Variants in RAB2A observed in about 807,000 individuals in gnomAD.
RAB2A encodes the protein ras-related protein Rab-2A.
Under a neutral mutation model 32.5 loss-of-function variants are expected in RAB2A, and 7 were observed. That is an observed-to-expected ratio of 0.22 (90% CI 0.12 to 0.40). RAB2A has a LOEUF of 0.40. Among genes scored for constraint, RAB2A ranks in the 10% least tolerant of loss-of-function variants. RAB2A has a pLI of 1.00. For missense variants in RAB2A, 108 were observed against 260.7 expected, an observed-to-expected ratio of 0.41 and a Z score of 4.03; for synonymous variants, 79 against 85.2, an observed-to-expected ratio of 0.93 and a Z score of 0.40.
intron 1 of RAB2A, among the ~76,000 whole-genome samples, chr8:60,534,465 TTC>T (rs1450961082): frequency 6.6e-6 from 1 of 152,140 alleles, no homozygotes. Context: ...TGTAGTAAAA[TTC>T]TGTCTCTTTA....
At chr8:60,537,785 A>T (rs1227232759) in intron 1 of RAB2A, among the ~76,000 whole-genome samples, 1 of 152,006 alleles carries the variant, frequency 6.6e-6, no homozygotes, top group Non-Finnish European at 1.5e-5. Context: ...GGCTCAAGCA[A>T]TCCTCCTGCC....
intron 6 of RAB2A, among the ~76,000 whole-genome samples, chr8:60,602,733 C>G (rs143001653): frequency 3.3e-5 from 5 of 152,326 alleles, no homozygotes; most frequent in African/African-American, 1.2e-4. Context: ...CCCATTGATT[C>G]TTGATCAGGT....
intron 5 of RAB2A, among the ~76,000 whole-genome samples, chr8:60,588,481 A>G (rs1018752320): frequency 2.0e-5 from 3 of 152,236 alleles, no homozygotes; most frequent in Admixed American, 6.5e-5. Context: ...CAGCATTACA[A>G]CAGACTACAA....
chr8:60,586,580 G>A (rs1803852858), intron 5 of RAB2A, among the ~76,000 whole-genome samples: 1 of 151,984 alleles, frequency 6.6e-6, no homozygotes, highest in African/African-American at 2.4e-5. Flanking sequence ...CATGTTCATG[G>A]ATTGTAAAAC....
chr8:60,530,161 TTGAG>T (rs1807454252), intron 1 of RAB2A, among the ~76,000 whole-genome samples: 2 of 149,588 alleles, frequency 1.3e-5, no homozygotes, highest in Admixed American at 1.3e-4. Context: ...TTTTTTTTTT[TTGAG>T]AGAGAGAGAG....
chr8:60,580,606 T>A (rs1198602507), intron 3 of RAB2A, among the ~76,000 whole-genome samples: 1 of 152,240 alleles, frequency 6.6e-6, no homozygotes, highest in Non-Finnish European at 1.5e-5. Flanking sequence ...GTCATAGTCT[T>A]CAGTGGGAAT....
intron 6 of RAB2A, among the ~76,000 whole-genome samples, chr8:60,615,304 T>G (rs1804430384): frequency 6.6e-6 from 1 of 152,204 alleles, no homozygotes; most frequent in Admixed American, 6.5e-5. Flanking sequence ...AAAACTACAA[T>G]ATGTTTAACA....
chr8:60,586,281 A>G (rs1005148019), intron 5 of RAB2A, among the ~76,000 whole-genome samples: 26 of 143,928 alleles, frequency 1.8e-4, no homozygotes, highest in African/African-American at 7.1e-4. Context: ...TGAGCAACAA[A>G]GCAAGACCTT....
At chr8:60,530,845 G>A (rs1004393019) in intron 1 of RAB2A, among the ~76,000 whole-genome samples, 1 of 151,932 alleles carries the variant, frequency 6.6e-6, no homozygotes, top group Non-Finnish European at 1.5e-5. Flanking sequence ...ACATGTCTTG[G>A]CACAGGAAAC....
Position 60,556,137 on chromosome 8 carries a change from T to G in RAB2A, c.47-2715T>G, listed in dbSNP as rs1807934367. On this transcript the variant is annotated intron_variant, in intron 1 of 7. Coordinates refer to ENST00000262646, the MANE Select transcript of RAB2A (RefSeq NM_002865.3). The stretch of plus-strand genomic sequence containing the variant: ...AAAGTAAATACTGCATGTTCTCGTA[T>G]CCACAATAAGTAGTAGCTTAAAAAG... 2.0e-5 allele frequency among the ~76,000 whole-genome samples: 3 copies of G among 152,128 alleles called. No homozygotes were observed. The South Asian group carries it at 6.2e-4, about 32-fold the overall frequency.
At chr8:60,576,847 G>A (rs772879992) in intron 3 of RAB2A, among the ~76,000 whole-genome samples, 2 of 152,068 alleles carry the variant, frequency 1.3e-5, no homozygotes, top group Non-Finnish European at 2.9e-5. Flanking sequence ...GCTGGGAGTT[G>A]AGGGGCTTAG....
Position 60,584,823 on chromosome 8 carries a change from G to A in RAB2A, c.362+8G>A. ...GCTTATTGGAAATAAAAGGTAAAAA[G>A]GCTAATTTAGAGCTTACATTGCATT... On this transcript the variant is annotated splice_region_variant and intron_variant, in intron 5 of 7. Coordinates refer to ENST00000262646, the MANE Select transcript of RAB2A (RefSeq NM_002865.3). 9 of 1,594,438 alleles carry A rather than the reference G, an allele frequency of 5.6e-6. No individual in the cohort carries two copies. Among genetic ancestry groups the A allele is most frequent in the Non-Finnish European group, 7.7e-6 (9 of 1,162,996 alleles).
chr8:60,526,015 G>GCACATATA, intron 1 of RAB2A, among the ~76,000 whole-genome samples: 1 of 82,100 alleles, frequency 1.2e-5, no homozygotes, highest in African/African-American at 5.2e-5. Flanking sequence ...ATATGTGTGT[G>GCACATATA]TGTACATATA....
At position 60,591,813 on chromosome 8, in the gene RAB2A, G is replaced by C. The variant is rs373386761; in HGVS notation, c.363-45G>C. 1.1e-5 allele frequency: 14 copies of C among 1,247,776 alleles called. No individual in the cohort carries two copies. The African/African-American group carries it at 1.8e-4, about 16-fold the overall frequency. 77.3% of individuals were successfully genotyped at this position (1,247,776 alleles called of 1,614,324 possible). A position where few individuals can be genotyped will look rare whatever the true frequency, so the allele number is the denominator to read the frequency against. ...ACACTTTCCACAAATGCTTCTGTTT[G>C]TACCATGTTGATTAGTAATGTGACC... is the stretch of plus-strand genomic sequence containing the variant. On this transcript the variant is annotated intron_variant, in intron 5 of 7. Coordinates refer to ENST00000262646, the MANE Select transcript of RAB2A (RefSeq NM_002865.3).
At chr8:60,585,422 C>T (rs900478577) in intron 5 of RAB2A, among the ~76,000 whole-genome samples, 1 of 152,112 alleles carries the variant, frequency 6.6e-6, no homozygotes, top group Non-Finnish European at 1.5e-5. Flanking sequence ...AGGGAATCCT[C>T]CTGCCTCAGC....
chr8:60,586,081 C>T (rs533219529), intron 5 of RAB2A, among the ~76,000 whole-genome samples: 94 of 152,054 alleles, frequency 6.2e-4, no homozygotes, highest in African/African-American at 2.2e-3. Flanking sequence ...TGGAGGATTG[C>T]TTGATCCCAG....
At chr8:60,575,814 C>T (rs1343324125) in intron 3 of RAB2A, among the ~76,000 whole-genome samples, 5 of 152,048 alleles carry the variant, frequency 3.3e-5, no homozygotes, top group Middle Eastern at 3.4e-3. Context: ...TGCACCACCA[C>T]GCCCGGCTAA....
intron 1 of RAB2A, among the ~76,000 whole-genome samples, chr8:60,530,878 T>A (rs560042584): frequency 6.9e-6 from 1 of 145,166 alleles, no homozygotes; most frequent in Non-Finnish European, 1.5e-5. Flanking sequence ...TTTCCAAGCA[T>A]GTATAGGTCA....
At chr8:60,553,460 C>A (rs568696181) in intron 1 of RAB2A, among the ~76,000 whole-genome samples, 2 of 152,204 alleles carry the variant, frequency 1.3e-5, no homozygotes, top group Admixed American at 1.3e-4. Context: ...TCAAAAAGAC[C>A]GTCATTTTGT....
Sources: gnomAD v4.1 joint callset for allele counts (sites outside exome capture counted in the v4.1 genomes callset) on GRCh38, gnomAD v4.1.1 for gene constraint, MANE v1.5 for transcripts, NCBI Gene and HGNC (gene_info 2026-07-23, HGNC 2026-07-21) for gene names.